RASA2: variants seen among roughly 807,000 people sequenced by gnomAD.
The protein encoded by RASA2 is ras GTPase-activating protein 2.
RASA2 carries 155 observed loss-of-function variants against 118.2 expected under a neutral mutation model. The ratio of observed to expected loss-of-function variants is 1.31; its 90% CI spans 1.15 to 1.50. The LOEUF (loss-of-function observed/expected upper bound fraction) is 1.50, where lower values mean the gene tolerates loss of function less well. Among genes scored for constraint, RASA2 ranks in the 40% most tolerant of loss-of-function variants. RASA2 has a pLI of 0.00. For synonymous variants in RASA2, 353 were observed against 349.1 expected, an observed-to-expected ratio of 1.01 and a Z score of -0.12; for missense variants, 1,016 against 1,009.6, an observed-to-expected ratio of 1.01 and a Z score of -0.09.
At chr3:141,579,372 G>A (rs989019122) in intron 15 of RASA2, 1 of 152,150 alleles carries the variant, frequency 6.6e-6, no homozygotes, top group Non-Finnish European at 1.5e-5. Flanking sequence ...AAATGAAGGA[G>A]CAAAGATTCC....
At chr3:141,558,222 G>A (rs1399605636) in intron 7 of RASA2, among the ~76,000 whole-genome samples, 1 of 152,172 alleles carries the variant, frequency 6.6e-6, no homozygotes, top group Non-Finnish European at 1.5e-5. Context: ...AGGAGATAAT[G>A]CATGTGAAAG....
At chr3:141,610,172 C>A (rs979329080) in intron 23 of RASA2, 106 bp downstream of exon 23, 1 of 931,348 alleles carries the variant, frequency 1.1e-6, no homozygotes, top group Non-Finnish European at 1.5e-6. Flanking sequence ...GTCAACATCC[C>A]GCTCAGGGCC....
At chr3:141,515,769 A>G (rs2082013712) in intron 2 of RASA2, among the ~76,000 whole-genome samples, 1 of 151,356 alleles carries the variant, frequency 6.6e-6, no homozygotes, top group Non-Finnish European at 1.5e-5. Context: ...GCGTGGTGGC[A>G]TGTGCCTGTA....
rs774539564 is a variant in RASA2, at chr3:141,581,158, A to T, written c.1733A>T (p.Tyr578Phe). The T allele has an allele frequency of 6.5e-7, 1 of 1,528,262 alleles. No individual in the cohort carries two copies. Among genetic ancestry groups the T allele is most frequent in the Non-Finnish European group, 8.7e-7 (1 of 1,146,058 alleles). 94.7% of individuals were successfully genotyped at this position (1,528,262 alleles called of 1,614,324 possible). The change falls in exon 17 of 24, where the codon TAT becomes TTT. Residue 578 changes from tyrosine to phenylalanine, a missense_variant. By Grantham distance (22) the Tyr-to-Phe change is conservative (BLOSUM62 3). This residue lies in a region of RASA2 where 896 missense variants were observed against 836.4 expected (regional missense o/e 1.07). Transcript: ENST00000286364. ...EFFKMFQEEGYIIAVKKFLDE... is the reference protein window; with the variant it reads ...EFFKMFQEEGFIIAVKKFLDE... ...TTCAAAATGTTTCAAGAAGAAGGATATATTATAGCAGTTAAAAAGGTATGA... is the reference window on the plus strand; with the variant it reads ...TTCAAAATGTTTCAAGAAGAAGGATTTATTATAGCAGTTAAAAAGGTATGA...
At chr3:141,549,829 A>C (rs2082546062) in intron 5 of RASA2, among the ~76,000 whole-genome samples, 1 of 152,168 alleles carries the variant, frequency 6.6e-6, no homozygotes, top group Non-Finnish European at 1.5e-5. Context: ...GGTCTCAAAA[A>C]GTAAGAAAGT....
rs568989556 is a variant in RASA2 at position 141,503,872 on chromosome 3, T to C, written c.134-8291T>C. ...CTGTATTAATACAATAAAGATTCTT[T>C]AAGTGCTTTTGGTAACTGTATACAG... On this transcript the variant is annotated intron_variant, in intron 1 of 23. Transcript: ENST00000286364. 5.3e-5 allele frequency among the ~76,000 whole-genome samples: 8 copies of C among 152,346 alleles called. No individual in the cohort carries two copies. The East Asian group carries it at 9.6e-4, about 18-fold the overall frequency.
At chr3:141,545,629 G>A (rs2082474054) in intron 5 of RASA2, among the ~76,000 whole-genome samples, 1 of 151,636 alleles carries the variant, frequency 6.6e-6, no homozygotes, top group South Asian at 2.1e-4. Context: ...TGTATTTTTA[G>A]TAGAGTTGGG....
chr3:141,610,588 T>A (rs1559799941), intron 23 of RASA2, among the ~76,000 whole-genome samples: 1 of 149,568 alleles, frequency 6.7e-6, no homozygotes, highest in Admixed American at 6.8e-5. Flanking sequence ...ACTCCTGGGC[T>A]CAAGCGATCC....
chr3:141,611,324 G>A (rs2083648391), intron 23 of RASA2, among the ~76,000 whole-genome samples: 1 of 152,132 alleles, frequency 6.6e-6, no homozygotes, highest in Non-Finnish European at 1.5e-5. Flanking sequence ...ATTTTTATAT[G>A]ATAGCATCCA....
At chr3:141,508,866 G>C (rs549527410) in intron 1 of RASA2, among the ~76,000 whole-genome samples, 2 of 151,932 alleles carry the variant, frequency 1.3e-5, no homozygotes, top group African/African-American at 4.8e-5. Context: ...ACCAGAATTG[G>C]CTAGAGTTCA....
intron 15 of RASA2, 86 bp downstream of exon 15, chr3:141,577,192 A>T (rs1319633728): frequency 9.7e-7 from 1 of 1,028,132 alleles, no homozygotes; most frequent in South Asian, 1.8e-5. Flanking sequence ...CAATTTCACT[A>T]GGCTGTATTT....
intron 3 of RASA2, among the ~76,000 whole-genome samples, chr3:141,519,161 C>G (rs2082073921): frequency 6.6e-6 from 1 of 152,130 alleles, no homozygotes; most frequent in Non-Finnish European, 1.5e-5. Context: ...TATTGCCCCT[C>G]TGCCCCACAG....
chr3:141,524,578 C>A (rs2082158771), intron 3 of RASA2, among the ~76,000 whole-genome samples: 1 of 151,964 alleles, frequency 6.6e-6, no homozygotes. Flanking sequence ...TAATATTTGT[C>A]ACTGTTTTTG....
chr3:141,540,392 C>A, intron 4 of RASA2, 141 bp from the exon 5 acceptor site: 1 of 496,106 alleles, frequency 2.0e-6, no homozygotes, highest in South Asian at 4.2e-5. Flanking sequence ...GGTTATTATT[C>A]ATTTAACAAG....
rs758935683 is a variant in RASA2, at chr3:141,512,139, C to A, written c.134-24C>A. The A allele has an allele frequency of 1.3e-6, 2 of 1,494,868 alleles. 1 individual carries two copies. The highest frequency in any genetic ancestry group is 2.3e-5 in the South Asian group (2 of 86,702). 92.6% of individuals were successfully genotyped at this position (1,494,868 alleles called of 1,614,324 possible). On this transcript the variant is annotated intron_variant, in intron 1 of 23. Coordinates refer to ENST00000286364, the MANE Select transcript of RASA2 (RefSeq NM_006506.5). ...TGAAGCAGTTGATGATATTTAATAA[C>A]AATTTTAAATTTTATGCCAACAGGT...
intron 8 of RASA2, among the ~76,000 whole-genome samples, chr3:141,559,211 A>T (rs935878417): frequency 6.6e-6 from 1 of 152,118 alleles, no homozygotes; most frequent in Non-Finnish European, 1.5e-5. Flanking sequence ...TATTGTATTG[A>T]TTTTTAATTT....
rs767052471 is a variant in RASA2, at chr3:141,487,186, C to A, written c.103C>A (p.Arg35=). Residue 35 remains arginine (R), a synonymous_variant, in exon 1 of 24, where the codon CGA becomes AGA. Transcript: ENST00000286364. The part of the protein sequence containing the change: ...EAGDQDSREV[R]VLQSLRGKIC... ...CGGGGACCAGGACAGTCGCGAGGTT[C>A]GAGTGTTGCAGAGCCTGCGGGGCAA... 4 of 1,462,064 alleles carry A rather than the reference C, an allele frequency of 2.7e-6. No individual in the cohort carries two copies. The highest frequency in any genetic ancestry group is 3.6e-6 in the Non-Finnish European group (4 of 1,097,254). 90.6% of individuals were successfully genotyped at this position (1,462,064 alleles called of 1,614,324 possible). A position where few individuals can be genotyped will look rare whatever the true frequency, so the allele number is the denominator to read the frequency against.
In RASA2 at chr3:141,610,045, GT is replaced by G. The variant is rs745442654; in HGVS notation, c.2499del (p.Ser833ArgfsTer20). On this transcript the variant is annotated frameshift_variant, in exon 23 of 24. Coordinates refer to ENST00000286364, the MANE Select transcript of RASA2 (RefSeq NM_006506.5). LOFTEE classifies it high-confidence loss of function. ...GAAAAATATAGGAAGAAAAGATCCA[GT>G]AGTGCAAAATATGGGAGCAAGTGAG... is the stretch of plus-strand genomic sequence containing the variant. ...PHEKYRKKRS[S>X]SAKYGSKENP... 1 of 1,591,482 alleles carries G rather than the reference GT, an allele frequency of 6.3e-7. No individual in the cohort carries two copies. Among genetic ancestry groups the G allele is most frequent in the South Asian group, 1.2e-5 (1 of 86,782 alleles).
rs545972986 is a variant in RASA2, at chr3:141,544,164, C to T, written c.527+3555C>T. ...GTCCTGGGGTTATAGGTGTAAGCCA[C>T]CACGCCCAGCCTGCCTTTAGATTTC... On this transcript the variant is annotated intron_variant, in intron 5 of 23. Transcript: ENST00000286364. Among the ~76,000 whole-genome samples, 15 of 152,236 alleles carry T rather than the reference C, an allele frequency of 9.9e-5. No homozygotes were observed. The South Asian group carries it at 2.7e-3, about 27-fold the overall frequency.
Sources: gnomAD v4.1 joint callset for allele counts (sites outside exome capture counted in the v4.1 genomes callset) on GRCh38, gnomAD v4.1.1 for gene constraint, gnomAD v4.1.1 regional missense constraint, MANE v1.5 for transcripts, NCBI Gene and HGNC (gene_info 2026-07-23, HGNC 2026-07-21) for gene names.